The following PTPN9 variants were observed in gnomAD, a reference collection of about 807,000 sequenced individuals.
The protein encoded by PTPN9 is protein tyrosine phosphatase non-receptor type 9, also known as tyrosine-protein phosphatase non-receptor type 9.
PTPN9 carries 26 observed loss-of-function variants against 69.8 expected under a neutral mutation model. That is an observed-to-expected ratio of 0.37 (90% CI 0.27 to 0.52). The LOEUF (loss-of-function observed/expected upper bound fraction) is 0.52, where lower values mean the gene tolerates loss of function less well. Ranked by LOEUF, PTPN9 falls within the 20% of genes least tolerant of loss-of-function variation. The pLI is 0.91. For missense variants in PTPN9, 549 were observed against 740.3 expected (o/e 0.74, Z 3.00); for synonymous variants, 274 against 272.5 (o/e 1.01, Z -0.05).
At chr15:75,507,805 G>A (rs182650262) in intron 6 of PTPN9, among the ~76,000 whole-genome samples, 4 of 152,090 alleles carry the variant, frequency 2.6e-5, no homozygotes, top group Non-Finnish European at 4.4e-5. Flanking sequence ...AGCACTTTGG[G>A]AGGCTGAGGT....
intron 7 of PTPN9, among the ~76,000 whole-genome samples, chr15:75,498,026 C>A (rs1429854560): frequency 6.7e-6 from 1 of 149,302 alleles, no homozygotes; most frequent in Non-Finnish European, 1.5e-5. Context: ...CCCATCTTTA[C>A]TAAAAATACA....
intron 8 of PTPN9, chr15:75,487,253 A>G (rs2074683910): frequency 1.3e-5 from 2 of 152,076 alleles, no homozygotes; most frequent in African/African-American, 4.8e-5. Context: ...TGGAAATTCC[A>G]TGAGAGTGTT....
chr15:75,468,754 A>AG lies in PTPN9; in HGVS notation c.*14dup. Reference sequence around the variant, plus strand: ...TAAGGAAGGCTGGCCAACAGGTAGGAGGTTCGTAGGAGAGTTACTGACTCT... The same window carrying AG: ...TAAGGAAGGCTGGCCAACAGGTAGGAGGGTTCGTAGGAGAGTTACTGACTCT... On this transcript the variant is annotated 3_prime_UTR_variant, in exon 13 of 13. Coordinates refer to ENST00000618819, the MANE Select transcript of PTPN9 (RefSeq NM_002833.4). The AG allele has an allele frequency of 6.2e-7, 1 of 1,610,462 alleles. No individual in the cohort carries two copies. Among genetic ancestry groups the AG allele is most frequent in the Non-Finnish European group, 8.5e-7 (1 of 1,177,906 alleles).
chr15:75,502,682 G>T (rs2074780384), intron 7 of PTPN9, among the ~76,000 whole-genome samples: 1 of 151,982 alleles, frequency 6.6e-6, no homozygotes, highest in Non-Finnish European at 1.5e-5. Flanking sequence ...CTCTGACTGT[G>T]GATTATTTTA....
At chr15:75,544,784 A>G (rs1035613065) in intron 1 of PTPN9, among the ~76,000 whole-genome samples, 2 of 152,232 alleles carry the variant, frequency 1.3e-5, no homozygotes, top group South Asian at 4.1e-4. Context: ...TGGTAAACAT[A>G]GAGAGTGGGA....
In PTPN9 at chr15:75,463,338, T is replaced by G. The variant is rs983305830; in HGVS notation, c.*5431A>C. The G allele has an allele frequency of 6.6e-6, 1 of 152,174 alleles. No individual in the cohort carries two copies. Among genetic ancestry groups the G allele is most frequent in the Non-Finnish European group, 1.5e-5 (1 of 68,022 alleles). 9.4% of individuals were successfully genotyped at this position (152,174 alleles called of 1,614,324 possible). ...GTCAAGAAAGAGCCCCCAGATGAAA[T>G]GGCTGACCTTTACTCAGGTGCACAT... is the stretch of plus-strand genomic sequence containing the variant. On this transcript the variant is annotated 3_prime_UTR_variant, in exon 13 of 13. Transcript: ENST00000618819.
rs775107887 is a variant in PTPN9, at chr15:75,482,954, C to CA, written c.1063-3041dup. On this transcript the variant is annotated intron_variant, in intron 8 of 12. Transcript: ENST00000618819. ...TGAGCGACAGAGCGAGACTCTGTCTCAAAAAAAAAAAAAATTCATTCATCA... is the reference window on the plus strand; with the variant it reads ...TGAGCGACAGAGCGAGACTCTGTCTCAAAAAAAAAAAAAAATTCATTCATCA... 7.5e-3 allele frequency among the ~76,000 whole-genome samples: 911 copies of CA among 122,058 alleles called. 2 individuals carry two copies. Among genetic ancestry groups the CA allele is most frequent in the East Asian group, 0.018 (77 of 4,340 alleles). 80.1% of individuals were successfully genotyped at this position (122,058 alleles called of 152,430 possible). A position where few individuals can be genotyped will look rare whatever the true frequency, so the allele number is the denominator to read the frequency against.
At chr15:75,523,304 T>A (rs2074913221) in intron 3 of PTPN9, 59 bp from the exon 4 acceptor site, 1 of 1,560,164 alleles carries the variant, frequency 6.4e-7, no homozygotes, top group Non-Finnish European at 8.7e-7. Flanking sequence ...CAGCAATTAC[T>A]AAGACTTATA....
intron 2 of PTPN9, among the ~76,000 whole-genome samples, chr15:75,524,820 A>G (rs1275578029): frequency 6.6e-6 from 1 of 151,456 alleles, no homozygotes; most frequent in Non-Finnish European, 1.5e-5. Context: ...CTAAATGAAT[A>G]ATGAAGTCAA....
At chr15:75,563,300 T>A (rs1389979840) in intron 1 of PTPN9, among the ~76,000 whole-genome samples, 1 of 152,208 alleles carries the variant, frequency 6.6e-6, no homozygotes, top group East Asian at 1.9e-4. Context: ...GCAATTCTCC[T>A]GCCTCAGCCT....
At position 75,464,789 on chromosome 15, in the gene PTPN9, A is replaced by G. The variant is rs540453105; in HGVS notation, c.*3980T>C. The G allele has an allele frequency of 2.0e-5, 3 of 152,328 alleles. No individual in the cohort carries two copies. Among genetic ancestry groups the G allele is most frequent in the Non-Finnish European group, 2.9e-5 (2 of 68,036 alleles). The allele number at this position is 152,328 out of a possible 1,614,324, so 9.4% of individuals were successfully genotyped here. On this transcript the variant is annotated 3_prime_UTR_variant, in exon 13 of 13. Coordinates refer to ENST00000618819, the MANE Select transcript of PTPN9 (RefSeq NM_002833.4). ...CAAATTTCCCTAGGGCTATGATGCT[A>G]AATAGTCCATTCTCCCAAGAACAAG...
intron 8 of PTPN9, among the ~76,000 whole-genome samples, chr15:75,486,873 C>T (rs2074681244): frequency 1.3e-5 from 2 of 150,878 alleles, no homozygotes; most frequent in Admixed American, 1.3e-4. Context: ...CAAGCTCCGC[C>T]TCCCAGGTTC....
chr15:75,532,146 C>T (rs1489860378), intron 1 of PTPN9, among the ~76,000 whole-genome samples: 1 of 151,946 alleles, frequency 6.6e-6, no homozygotes, highest in Non-Finnish European at 1.5e-5. Flanking sequence ...CCCCTGTAAA[C>T]CCAGCACTTT....
intron 8 of PTPN9, among the ~76,000 whole-genome samples, chr15:75,480,503 A>T (rs1180867814): frequency 6.7e-6 from 1 of 149,290 alleles, no homozygotes; most frequent in Non-Finnish European, 1.5e-5. Context: ...CGGAGGCCCC[A>T]GAAGGCTCGA....
intron 1 of PTPN9, chr15:75,570,119 C>T (rs1410431878): frequency 3.9e-5 from 6 of 152,078 alleles, no homozygotes; most frequent in Admixed American, 3.9e-4. Context: ...CCACACCCAA[C>T]CAGAAATTTT....
intron 2 of PTPN9, among the ~76,000 whole-genome samples, chr15:75,526,683 T>C (rs557791843): frequency 2.1e-4 from 32 of 152,354 alleles, no homozygotes; most frequent in Admixed American, 3.9e-4. Context: ...GCTCTTCTTT[T>C]CCAGTGTTAA....
intron 4 of PTPN9, among the ~76,000 whole-genome samples, chr15:75,522,246 C>A (rs1046648406): frequency 1.1e-4 from 16 of 152,270 alleles, no homozygotes; most frequent in Non-Finnish European, 2.2e-4. Context: ...ATACCAATTA[C>A]CTTAGCAGGA....
chr15:75,557,882 C>T (rs1350947607), intron 1 of PTPN9, among the ~76,000 whole-genome samples: 1 of 152,174 alleles, frequency 6.6e-6, no homozygotes, highest in Non-Finnish European at 1.5e-5. Flanking sequence ...CTAGCATTTA[C>T]CTAGCTTCAG....
intron 1 of PTPN9, among the ~76,000 whole-genome samples, chr15:75,552,818 A>G (rs1207038034): frequency 1.3e-5 from 2 of 149,130 alleles, no homozygotes; most frequent in Non-Finnish European, 3.0e-5. Flanking sequence ...TGGTCCCATA[A>G]AAGATTTAGA....
Sources: gnomAD v4.1 joint callset for allele counts (sites outside exome capture counted in the v4.1 genomes callset) on GRCh38, gnomAD v4.1.1 for gene constraint, MANE v1.5 for transcripts, NCBI Gene and HGNC (gene_info 2026-07-23, HGNC 2026-07-21) for gene names.